MICAL3: variants seen among roughly 807,000 people sequenced by gnomAD.
The protein encoded by MICAL3 is microtubule associated monooxygenase, calponin and LIM domain containing 3.
A neutral mutation model predicts 207.4 loss-of-function variants in MICAL3; 62 were observed. That is an observed-to-expected ratio of 0.30 (90% CI 0.24 to 0.37). The LOEUF (loss-of-function observed/expected upper bound fraction) is 0.37. MICAL3 is among the 10% of genes least tolerant of loss of function. MICAL3 has a pLI of 1.00. For synonymous variants in MICAL3, 1,077 were observed against 1,069.3 expected (o/e 1.01, Z -0.14); for missense variants, 2,368 against 2,635.6 (o/e 0.90, Z 2.22).
chr22:17,859,100 C>T (rs1432731511), intron 19 of MICAL3, among the ~76,000 whole-genome samples: 1 of 152,150 alleles, frequency 6.6e-6, no homozygotes, highest in East Asian at 1.9e-4. Context: ...CCAGGAGACA[C>T]CGCCCAGACT....
At chr22:17,825,285 A>G (rs780951555) in intron 22 of MICAL3, among the ~76,000 whole-genome samples, 12 of 152,208 alleles carry the variant, frequency 7.9e-5, no homozygotes, top group Non-Finnish European at 1.6e-4. Flanking sequence ...GGTGAGAAAT[A>G]TCAACGCAGC....
rs139332170 is a variant in MICAL3 at position 17,904,868 on chromosome 22, G to A, written c.265-29C>T. 2.6e-6 allele frequency: 4 copies of A among 1,518,878 alleles called. No homozygotes were observed. The African/African-American group carries it at 5.5e-5, about 21-fold the overall frequency. The allele number at this position is 1,518,878 out of a possible 1,614,324, so 94.1% of individuals were successfully genotyped here. On this transcript the variant is annotated intron_variant, in intron 2 of 31. Coordinates refer to ENST00000441493, the MANE Select transcript of MICAL3 (RefSeq NM_015241.3). Reference sequence around the variant, plus strand: ...AAAAACACAGCTGCTTTCAGGGCAGGCGGCACTTCCAACAAACAATTCTCA... The same window carrying A: ...AAAAACACAGCTGCTTTCAGGGCAGACGGCACTTCCAACAAACAATTCTCA...
intron 1 of MICAL3, among the ~76,000 whole-genome samples, chr22:17,985,204 C>T (rs4992095): frequency 0.014 from 2,176 of 152,128 alleles, 43 homozygotes; most frequent in African/African-American, 0.047. Flanking sequence ...GCCTGGAGCA[C>T]GGGAGGAAGG....
intron 16 of MICAL3, chr22:17,879,276 C>T (rs1929193609): frequency 7.3e-6 from 10 of 1,370,332 alleles, no homozygotes; most frequent in Non-Finnish European, 1.0e-5. Context: ...CTTCCCGCTG[C>T]CCCACCACCA....
intron 16 of MICAL3, chr22:17,881,092 T>C: frequency 1.1e-6 from 1 of 939,006 alleles, no homozygotes. Flanking sequence ...ATAGCCTTTC[T>C]TCTTGATAGT....
At chr22:17,901,844 G>A in intron 5 of MICAL3, 34 bp downstream of exon 5, 1 of 1,549,226 alleles carries the variant, frequency 6.5e-7, no homozygotes, top group Non-Finnish European at 8.9e-7. Flanking sequence ...CTTTCCCTCT[G>A]CTATGAGCCA....
At chr22:18,017,601 C>A (rs1229959728) in intron 1 of MICAL3, among the ~76,000 whole-genome samples, 1 of 150,164 alleles carries the variant, frequency 6.7e-6, no homozygotes, top group African/African-American at 2.4e-5. Context: ...ATTTTTTTTT[C>A]TTGAGACAGA....
intron 19 of MICAL3, chr22:17,861,751 G>C: frequency 1.0e-6 from 1 of 985,050 alleles, no homozygotes; most frequent in Non-Finnish European, 1.2e-6. Context: ...ATAGATTTAA[G>C]AACAAAAAAG....
chr22:17,804,536 G>A lies in MICAL3; in HGVS notation c.5650+4308C>T, dbSNP rs865918758. 4.6e-5 allele frequency among the ~76,000 whole-genome samples: 7 copies of A among 152,328 alleles called. No individual in the cohort carries two copies. The Middle Eastern group carries it at 0.01, about 222-fold the overall frequency. ...GAGTTCTTCCCCCAGGCACTCGGCCGAAGGCTCCTGGAGGTGTGCTGGCCT... is the reference window on the plus strand; with the variant it reads ...GAGTTCTTCCCCCAGGCACTCGGCCAAAGGCTCCTGGAGGTGTGCTGGCCT... On this transcript the variant is annotated intron_variant, in intron 29 of 31. Coordinates refer to ENST00000441493, the MANE Select transcript of MICAL3 (RefSeq NM_015241.3).
At chr22:17,862,744 G>T (rs139021307) in intron 19 of MICAL3, 1 of 985,292 alleles carries the variant, frequency 1.0e-6, no homozygotes, top group African/African-American at 1.7e-5. Context: ...TGAGCTCACC[G>T]GGAGGCAAGG....
intron 1 of MICAL3, among the ~76,000 whole-genome samples, chr22:17,982,997 G>C (rs554400262): frequency 6.6e-6 from 1 of 152,238 alleles, no homozygotes; most frequent in East Asian, 1.9e-4. Context: ...AGAAACGAAG[G>C]ACCTTGGGCT....
intron 19 of MICAL3, among the ~76,000 whole-genome samples, chr22:17,845,488 C>A (rs73384576): frequency 6.6e-6 from 1 of 152,062 alleles, no homozygotes; most frequent in East Asian, 1.9e-4. Context: ...CCATGAGCCA[C>A]GTATGCACTC....
In MICAL3 at chr22:17,816,598, C is replaced by T. The variant is rs141212474; in HGVS notation, c.5445+92G>A. 1,430 of 1,004,704 alleles carry T rather than the reference C, an allele frequency of 1.4e-3. 16 individuals carry two copies. The African/African-American group carries it at 0.02, about 14-fold the overall frequency. The allele number at this position is 1,004,704 out of a possible 1,614,324, so 62.2% of individuals were successfully genotyped here. On this transcript the variant is annotated intron_variant, in intron 27 of 31. Coordinates refer to ENST00000441493, the MANE Select transcript of MICAL3 (RefSeq NM_015241.3). The stretch of plus-strand genomic sequence containing the variant: ...CCACTAGCTGTCCATCCCTGGCTTG[C>T]GGTTTGCTCTCCCTCTCCTCTACCC...
intron 27 of MICAL3, chr22:17,815,394 A>G (rs779926405): frequency 6.6e-6 from 1 of 152,334 alleles, no homozygotes; most frequent in Non-Finnish European, 1.5e-5. Flanking sequence ...CACTGTCACC[A>G]CTGAGGCAGT....
At chr22:17,994,343 CCT>C (rs113669590) in intron 1 of MICAL3, among the ~76,000 whole-genome samples, 9 of 152,306 alleles carry the variant, frequency 5.9e-5, no homozygotes, top group African/African-American at 2.2e-4. Context: ...GCATCTTCCC[CCT>C]GACCAAGCTG....
intron 7 of MICAL3, 156 bp downstream of exon 7, chr22:17,899,292 T>A: frequency 1.4e-6 from 1 of 703,634 alleles, no homozygotes; most frequent in East Asian, 2.7e-5. Context: ...AGTTAAGAGT[T>A]GTTCACGCTA....
chr22:17,942,131 A>G (rs1933836058), intron 1 of MICAL3, among the ~76,000 whole-genome samples: 2 of 152,256 alleles, frequency 1.3e-5, no homozygotes, highest in Admixed American at 1.3e-4. Context: ...CAGCTGTAAC[A>G]TTCTGTCTCT....
Position 17,902,095 on chromosome 22 carries a change from G to A in MICAL3, c.590-116C>T. The A allele has an allele frequency of 2.9e-6, 2 of 695,534 alleles. No homozygotes were observed. The highest frequency in any genetic ancestry group is 4.9e-6 in the Non-Finnish European group (2 of 406,780). 43.1% of individuals were successfully genotyped at this position (695,534 alleles called of 1,614,324 possible). A position where few individuals can be genotyped will look rare whatever the true frequency, so the allele number is the denominator to read the frequency against. ...CAAAACCCTGGGCCAAAAACACTAT[G>A]TGTAGAAGCAGTGGAGACAGAGGCT... On this transcript the variant is annotated intron_variant, in intron 4 of 31. Transcript: ENST00000441493. This position sits in a 1 kb window ranked among gnomAD's most constrained non-coding sequence, Gnocchi z 4.5.
At chr22:17,895,040 T>C (rs1399102306) in intron 10 of MICAL3, among the ~76,000 whole-genome samples, 1 of 152,250 alleles carries the variant, frequency 6.6e-6, no homozygotes, top group Non-Finnish European at 1.5e-5. Flanking sequence ...AGACGTGGCA[T>C]AAAGGCCTGG....
Sources: allele counts gnomAD v4.1 joint callset (sites outside exome capture counted in the v4.1 genomes callset), GRCh38; gene constraint gnomAD v4.1.1; non-coding constraint Gnocchi (gnomAD v3.1); transcripts MANE v1.5; gene names NCBI Gene and HGNC (gene_info 2026-07-23, HGNC 2026-07-21).